Variants in TOPAZ1 observed in about 807,000 individuals in gnomAD.
TOPAZ1 encodes the protein protein TOPAZ1.
In TOPAZ1, 66 loss-of-function variants were observed where a neutral mutation model predicts 172.2. The observed-to-expected ratio is 0.38, with a 90% CI of 0.31 to 0.47. The LOEUF is 0.47. TOPAZ1 is among the 20% of genes least tolerant of loss of function. The pLI is 0.99. For missense variants in TOPAZ1, 1,822 were observed against 1,972.4 expected, an observed-to-expected ratio of 0.92 and a Z score of 1.44; for synonymous variants, 681 against 683.9, an observed-to-expected ratio of 1.00 and a Z score of 0.07.
At chr3:44,332,802 T>A (rs867896453), downstream of TOPAZ1, among the ~76,000 whole-genome samples, 411 of 149,058 alleles carry the variant, frequency 2.8e-3, 2 homozygotes, top group Admixed American at 4.2e-3. Context: ...CTGAAAGTTT[T>A]TTTTTTTTTT....
chr3:44,261,338 A>T (rs1699773689), intron 4 of TOPAZ1, among the ~76,000 whole-genome samples: 2 of 152,134 alleles, frequency 1.3e-5, no homozygotes, highest in African/African-American at 4.8e-5. Flanking sequence ...ATTTTTGCAT[A>T]TGGGAAAAGA....
At chr3:44,280,691 G>C (rs1433597447) in intron 8 of TOPAZ1, among the ~76,000 whole-genome samples, 2 of 152,184 alleles carry the variant, frequency 1.3e-5, no homozygotes, top group Non-Finnish European at 2.9e-5. Flanking sequence ...AGTGATGGTT[G>C]CAAATAGTAG....
intron 8 of TOPAZ1, among the ~76,000 whole-genome samples, chr3:44,271,904 T>C (rs1482365739): frequency 2.0e-5 from 3 of 152,130 alleles, no homozygotes; most frequent in African/African-American, 7.2e-5. Flanking sequence ...ATCTCCCCAT[T>C]CCCCTAACCA....
At chr3:44,287,318 A>G (rs970026116) in intron 9 of TOPAZ1, 71 bp from the exon 10 acceptor site, 1 of 879,596 alleles carries the variant, frequency 1.1e-6, no homozygotes. Context: ...TATATAGAAA[A>G]ATTATCAAAT....
chr3:44,300,248 C>T (rs1311460245), intron 12 of TOPAZ1, among the ~76,000 whole-genome samples: 2 of 151,992 alleles, frequency 1.3e-5, no homozygotes, highest in Non-Finnish European at 2.9e-5. Flanking sequence ...GCCTGGCCAA[C>T]ATGGTAAAAC....
intron 15 of TOPAZ1, among the ~76,000 whole-genome samples, chr3:44,308,362 G>A (rs1214771796): frequency 6.7e-6 from 1 of 148,186 alleles, no homozygotes. Context: ...CCACCTATGA[G>A]TGGGAACATG....
chr3:44,283,022 A>G (rs951586343), intron 9 of TOPAZ1, among the ~76,000 whole-genome samples: 2 of 152,192 alleles, frequency 1.3e-5, no homozygotes, highest in Non-Finnish European at 2.9e-5. Context: ...AATTCCAGAA[A>G]TAATTCCATA....
At chr3:44,309,762 T>C (rs1700377628) in intron 15 of TOPAZ1, 63 bp from the exon 16 acceptor site, 4 of 1,173,250 alleles carry the variant, frequency 3.4e-6, no homozygotes, top group Admixed American at 2.8e-5. Flanking sequence ...TGAATAATTA[T>C]CAGTGGCTTT....
intron 9 of TOPAZ1, among the ~76,000 whole-genome samples, chr3:44,285,649 A>C (rs1443704048): frequency 6.6e-6 from 1 of 151,340 alleles, no homozygotes; most frequent in Non-Finnish European, 1.5e-5. Flanking sequence ...GGCTCACTGC[A>C]ACCTCCGCCT....
At chr3:44,275,805 A>G (rs964155818) in intron 8 of TOPAZ1, among the ~76,000 whole-genome samples, 2 of 152,072 alleles carry the variant, frequency 1.3e-5, no homozygotes, top group African/African-American at 2.4e-5. Context: ...GCGCTAATTT[A>G]CATTCCCACC....
At chr3:44,298,042 A>C (rs1252041832) in intron 12 of TOPAZ1, among the ~76,000 whole-genome samples, 1 of 152,212 alleles carries the variant, frequency 6.6e-6, no homozygotes, top group Non-Finnish European at 1.5e-5. Flanking sequence ...ATGCTTCAAA[A>C]TTTCATCCAT....
chr3:44,314,707 ATC>A (rs1279196633), intron 16 of TOPAZ1, among the ~76,000 whole-genome samples: 1 of 152,018 alleles, frequency 6.6e-6, no homozygotes, highest in African/African-American at 2.4e-5. Context: ...TTTTTGGTAA[ATC>A]TAAGACAGGG....
chr3:44,243,135 C>A lies in TOPAZ1; in HGVS notation c.629C>A (p.Ser210Tyr). 7 of 1,549,124 alleles carry A rather than the reference C, an allele frequency of 4.5e-6. No individual in the cohort carries two copies. The highest frequency in any genetic ancestry group is 6.1e-6 in the Non-Finnish European group (7 of 1,145,568). The change falls in exon 2 of 20, where the codon TCT (serine) becomes TAT (tyrosine). Residue 210 changes from serine (S) to tyrosine (Y), a missense_variant. Physicochemically the swap from Ser to Tyr is moderately radical, Grantham distance 144. This residue lies in a region of TOPAZ1 where 1,489 missense variants were observed against 1,490.8 expected (regional missense o/e 1.00). Coordinates refer to ENST00000309765, the MANE Select transcript of TOPAZ1 (RefSeq NM_001145030.2). ...DELYKNTPKY[S>Y]CNILSPEVEN... Reference sequence around the variant, plus strand: ...CTGTACAAGAATACTCCAAAATATTCTTGTAATATCTTGTCACCTGAAGTA... The same window carrying A: ...CTGTACAAGAATACTCCAAAATATTATTGTAATATCTTGTCACCTGAAGTA...
At chr3:44,300,504 A>G (rs921241134) in intron 12 of TOPAZ1, among the ~76,000 whole-genome samples, 6 of 152,228 alleles carry the variant, frequency 3.9e-5, no homozygotes, top group African/African-American at 9.6e-5. Flanking sequence ...GCAACTAAGC[A>G]CATGAAAATA....
Position 44,332,077 on chromosome 3 carries a change from A to G in TOPAZ1, c.*66A>G. ...TCATTGTTGAAAATAAAAGGCAATA[A>G]AAATAGACAGTTTTCACTATATTCA... On this transcript the variant is annotated 3_prime_UTR_variant, in exon 20 of 20. Coordinates refer to ENST00000309765, the MANE Select transcript of TOPAZ1 (RefSeq NM_001145030.2). 5 of 1,146,508 alleles carry G rather than the reference A, an allele frequency of 4.4e-6. No individual in the cohort carries two copies. The highest frequency in any genetic ancestry group is 6.2e-6 in the Non-Finnish European group (5 of 812,928). 71.0% of individuals were successfully genotyped at this position (1,146,508 alleles called of 1,614,324 possible).
chr3:44,283,819 C>T (rs1256840069), intron 9 of TOPAZ1, among the ~76,000 whole-genome samples: 1 of 152,138 alleles, frequency 6.6e-6, no homozygotes, highest in East Asian at 1.9e-4. Flanking sequence ...GCATCATGGC[C>T]CTTTACCACC....
intron 2 of TOPAZ1, among the ~76,000 whole-genome samples, chr3:44,252,922 C>G (rs1042081563): frequency 3.3e-5 from 5 of 152,020 alleles, no homozygotes; most frequent in African/African-American, 4.8e-5. Context: ...TAAGCATGTA[C>G]CATAAAATGA....
At chr3:44,249,744 C>T (rs1227839358) in intron 2 of TOPAZ1, among the ~76,000 whole-genome samples, 1 of 152,124 alleles carries the variant, frequency 6.6e-6, no homozygotes, top group Non-Finnish European at 1.5e-5. Context: ...TATCGCAGGC[C>T]ATTTCTGAAG....
rs1700321275 is a variant in TOPAZ1, at chr3:44,305,225, G to C, written c.3943G>C (p.Asp1315His). ...AAAAATGGGCTGTGAAAAATTTGCA[G>C]ATTTCCAGACATTTTGTGCTTGCAT... Reference protein sequence around the residue: ...NVKMGCEKFADFQTFCACIAE... With the variant: ...NVKMGCEKFAHFQTFCACIAE... Residue 1315 changes from aspartate (D) to histidine (H), a missense_variant, in exon 14 of 20, where the codon GAT becomes CAT. Coordinates refer to ENST00000309765, the MANE Select transcript of TOPAZ1 (RefSeq NM_001145030.2). 6.5e-7 allele frequency: 1 copy of C among 1,548,520 alleles called. No individual in the cohort carries two copies. The highest frequency in any genetic ancestry group is 1.4e-5 in the African/African-American group (1 of 72,852).
Sources: allele counts gnomAD v4.1 joint callset (sites outside exome capture counted in the v4.1 genomes callset), GRCh38; gene constraint gnomAD v4.1.1; regional missense constraint gnomAD v4.1.1; transcripts MANE v1.5; gene names NCBI Gene and HGNC (gene_info 2026-07-23, HGNC 2026-07-21).